Variants in WDPCP observed in about 807,000 individuals in gnomAD.
The protein encoded by WDPCP is WD repeat-containing and planar cell polarity effector protein fritz homolog.
WDPCP carries 71 observed loss-of-function variants against 93.1 expected under a neutral mutation model. The observed-to-expected ratio is 0.76, with a 90% CI of 0.63 to 0.93. WDPCP has a LOEUF of 0.93. WDPCP is among the 40% of genes least tolerant of loss of function. WDPCP has a pLI of 0.00. For synonymous variants in WDPCP, 315 were observed against 315.0 expected (o/e 1.00, Z 0.00); for missense variants, 844 against 887.4 (o/e 0.95, Z 0.62).
intron 17 of WDPCP, among the ~76,000 whole-genome samples, chr2:63,150,971 A>G (rs752214724): frequency 3.3e-5 from 5 of 152,226 alleles, no homozygotes; most frequent in Non-Finnish European, 5.9e-5. Flanking sequence ...AAACCAGAGC[A>G]CTGAACATAA....
In WDPCP at chr2:63,634,829, C is replaced by T. The variant is rs565328928; in HGVS notation, n.488+15830G>A. On this transcript the variant is annotated intron_variant and non_coding_transcript_variant, in intron 3 of 4. Coordinates refer to the WDPCP transcript ENST00000467687. ...TAACCTAATGTTATACCTTAAGGAA[C>T]TAAAAAAGGATAAACTAAGTGCAAA... 1.0e-3 allele frequency among the ~76,000 whole-genome samples: 153 copies of T among 151,462 alleles called. 2 individuals are homozygous for T. The highest frequency in any genetic ancestry group is 5.5e-4 in the Non-Finnish European group (37 of 67,834).
intron 6 of WDPCP, among the ~76,000 whole-genome samples, chr2:63,460,316 A>G (rs1698919378): frequency 6.6e-6 from 1 of 152,186 alleles, no homozygotes; most frequent in Non-Finnish European, 1.5e-5. Flanking sequence ...GAAGGCACAG[A>G]TACCAAAGAC....
chr2:63,338,568 AAATATATATATATATATATAT>A (rs1558490287), intron 12 of WDPCP, among the ~76,000 whole-genome samples: 2 of 7,660 alleles, frequency 2.6e-4, no homozygotes, highest in Non-Finnish European at 3.3e-4. Flanking sequence ...AAAAAAAAAA[AAATATATATATATATATATAT>A]ATATATATAT....
intron 17 of WDPCP, among the ~76,000 whole-genome samples, chr2:63,129,964 T>G (rs991494527): frequency 2.6e-5 from 4 of 152,184 alleles, no homozygotes; most frequent in African/African-American, 9.7e-5. Flanking sequence ...GACAGATGGT[T>G]TTTTTCCCAA....
chr2:63,644,142 T>C (rs966900245), intron 3 of WDPCP: 5 of 327,636 alleles, frequency 1.5e-5, no homozygotes, highest in South Asian at 2.7e-5. Flanking sequence ...ATCAGGGATA[T>C]TGGCCTATAG....
chr2:63,805,158 G>A (rs550407035), intron 2 of WDPCP, among the ~76,000 whole-genome samples: 16 of 152,280 alleles, frequency 1.1e-4, no homozygotes, highest in South Asian at 4.1e-4. Context: ...AAAGAAAAGC[G>A]TCAGGGACAA....
At chr2:63,592,294 C>T (rs1709214766), upstream of WDPCP, among the ~76,000 whole-genome samples, 1 of 152,126 alleles carries the variant, frequency 6.6e-6, no homozygotes, top group Non-Finnish European at 1.5e-5. Context: ...ACTAAGTTTC[C>T]AGTTTTCTCA....
At chr2:63,445,164 GTAA>G in intron 6 of WDPCP, among the ~76,000 whole-genome samples, 1 of 87,968 alleles carries the variant, frequency 1.1e-5, no homozygotes, top group Non-Finnish European at 2.6e-5. Context: ...AAAAAAACAC[GTAA>G]GTGCCTCCTA....
chr2:63,671,458 C>G (rs190617568), intron 2 of WDPCP, among the ~76,000 whole-genome samples: 40 of 152,270 alleles, frequency 2.6e-4, no homozygotes, highest in Non-Finnish European at 4.6e-4. Flanking sequence ...TCTCCTTCAC[C>G]CAGCGTCAGA....
rs569713389 is a variant in WDPCP at position 63,815,310 on chromosome 2, C to T, written n.223-1603G>A. Among the ~76,000 whole-genome samples the T allele has an allele frequency of 3.8e-4, 57 of 151,982 alleles. 1 individual carries two copies. The highest frequency in any genetic ancestry group is 1.2e-3 in the African/African-American group (51 of 41,482). Reference sequence around the variant, plus strand: ...CAAATATTCAATAAGAAACCACCAGCGTAATAAATAATAATCAGAGACTTT... The same window carrying T: ...CAAATATTCAATAAGAAACCACCAGTGTAATAAATAATAATCAGAGACTTT... On this transcript the variant is annotated intron_variant and non_coding_transcript_variant, in intron 1 of 4. Coordinates refer to the WDPCP transcript ENST00000467687.
At chr2:63,706,951 G>GC (rs1029772719) in intron 2 of WDPCP, among the ~76,000 whole-genome samples, 1 of 151,898 alleles carries the variant, frequency 6.6e-6, no homozygotes, top group Admixed American at 6.6e-5. Context: ...TTGAATATTG[G>GC]CCCCCCACTC....
At chr2:63,621,614 CAGG>C (rs2106633936) in intron 3 of WDPCP, among the ~76,000 whole-genome samples, 1 of 152,204 alleles carries the variant, frequency 6.6e-6, no homozygotes, top group South Asian at 2.1e-4. Flanking sequence ...GGATATTATC[CAGG>C]AGAACTTCCC....
At chr2:63,153,453 T>C in intron 16 of WDPCP, 42 bp downstream of exon 16, 2 of 1,480,992 alleles carry the variant, frequency 1.4e-6, no homozygotes, top group Non-Finnish European at 9.4e-7. Flanking sequence ...ACATAGTTTT[T>C]CTGTTATACT....
upstream of WDPCP, chr2:63,590,878 T>C (rs1232473145): frequency 2.6e-5 from 4 of 152,224 alleles, no homozygotes; most frequent in African/African-American, 7.2e-5. Flanking sequence ...AAAAGAGCCT[T>C]CTTCTGTAAG....
At chr2:63,310,515 T>C (rs985002190) in intron 13 of WDPCP, among the ~76,000 whole-genome samples, 3 of 151,904 alleles carry the variant, frequency 2.0e-5, no homozygotes, top group Admixed American at 2.0e-4. Context: ...AGAATGGTTT[T>C]TGGAAAAAAA....
At chr2:63,514,997 G>A (rs1296158128) in intron 1 of WDPCP, among the ~76,000 whole-genome samples, 2 of 152,112 alleles carry the variant, frequency 1.3e-5, no homozygotes, top group African/African-American at 4.8e-5. Flanking sequence ...GCAGCTGTGT[G>A]TCTGTAAATC....
chr2:63,139,135 GTATGTGTGTGTA>G (rs1328983371), intron 17 of WDPCP, among the ~76,000 whole-genome samples: 1 of 148,122 alleles, frequency 6.8e-6, no homozygotes, highest in Non-Finnish European at 1.5e-5. Flanking sequence ...ATATATACAT[GTATGTGTGTGTA>G]TATGTGTATG....
chr2:63,675,508 T>A (rs1046660066), intron 2 of WDPCP, among the ~76,000 whole-genome samples: 2 of 152,162 alleles, frequency 1.3e-5, no homozygotes, highest in Admixed American at 1.3e-4. Context: ...CTCTCTCATT[T>A]CCTTTCTTCG....
intron 1 of WDPCP, among the ~76,000 whole-genome samples, chr2:63,558,575 C>T (rs910816837): frequency 2.6e-5 from 4 of 151,346 alleles, no homozygotes; most frequent in Non-Finnish European, 5.9e-5. Context: ...AGAGAATAAT[C>T]AAATAGAATA....
Sources: gnomAD v4.1 joint callset for allele counts (sites outside exome capture counted in the v4.1 genomes callset) on GRCh38, gnomAD v4.1.1 for gene constraint, MANE v1.5 for transcripts, NCBI Gene and HGNC (gene_info 2026-07-23, HGNC 2026-07-21) for gene names.